Variants in AFF1 observed in about 807,000 individuals in gnomAD.
The protein encoded by AFF1 is AF4/FMR2 family member 1.
Under a neutral mutation model 121.7 loss-of-function variants are expected in AFF1, and 48 were observed. The observed-to-expected ratio is 0.39, with a 90% CI of 0.31 to 0.50. The LOEUF (loss-of-function observed/expected upper bound fraction) is 0.50. Ranked by LOEUF, AFF1 falls within the 20% of genes least tolerant of loss-of-function variation. The probability of loss-of-function intolerance (pLI) is 0.76; values close to 1 mark genes in which losing one functional copy is unlikely to be tolerated. For synonymous variants in AFF1, 613 were observed against 563.0 expected, an observed-to-expected ratio of 1.09 and a Z score of -1.26; for missense variants, 1,523 against 1,511.7, an observed-to-expected ratio of 1.01 and a Z score of -0.12.
chr4:87,084,321 T>C (rs1372707474), intron 5 of AFF1, among the ~76,000 whole-genome samples, 157 bp downstream of exon 5: 1 of 152,028 alleles, frequency 6.6e-6, no homozygotes, highest in East Asian at 1.9e-4. Context: ...GGCGGATTGC[T>C]TGAGCTCCGG....
chr4:86,949,398 A>G (rs1439228077), intron 2 of AFF1, among the ~76,000 whole-genome samples: 1 of 150,878 alleles, frequency 6.6e-6, no homozygotes, highest in Non-Finnish European at 1.5e-5. Context: ...TACAGGCGTG[A>G]GCCTCTGCGC....
intron 2 of AFF1, among the ~76,000 whole-genome samples, chr4:87,022,332 A>G (rs537480110): frequency 6.6e-6 from 1 of 151,838 alleles, no homozygotes; most frequent in Non-Finnish European, 1.5e-5. Context: ...GGTAGTTAAC[A>G]GAGATATTAA....
chr4:86,993,642 T>G (rs1724893847), intron 2 of AFF1, among the ~76,000 whole-genome samples: 1 of 152,094 alleles, frequency 6.6e-6, no homozygotes, highest in Admixed American at 6.5e-5. Context: ...GTTCAATGAG[T>G]ATATGAATCA....
chr4:87,015,682 C>A (rs1294147937), intron 2 of AFF1, among the ~76,000 whole-genome samples: 1 of 152,126 alleles, frequency 6.6e-6, no homozygotes, highest in African/African-American at 2.4e-5. Flanking sequence ...TCATTTCTTT[C>A]TTATTTTAGC....
intron 2 of AFF1, among the ~76,000 whole-genome samples, chr4:86,996,041 A>C (rs925682793): frequency 1.4e-5 from 2 of 146,884 alleles, no homozygotes; most frequent in African/African-American, 5.1e-5. Context: ...CCCAGCAGCC[A>C]CCCCGTCTGG....
intron 4 of AFF1, among the ~76,000 whole-genome samples, chr4:87,060,796 G>A (rs1277087464): frequency 1.4e-5 from 2 of 139,192 alleles, no homozygotes; most frequent in African/African-American, 5.2e-5. Context: ...CCGAGATCAC[G>A]CCACTGCACT....
At chr4:87,135,066 A>G (rs1729186521) in intron 20 of AFF1, among the ~76,000 whole-genome samples, 1 of 152,260 alleles carries the variant, frequency 6.6e-6, no homozygotes, top group East Asian at 1.9e-4. Context: ...ACAAAGTAGC[A>G]TAACCCAAAT....
intron 2 of AFF1, among the ~76,000 whole-genome samples, chr4:86,996,673 G>A (rs914944605): frequency 3.3e-5 from 5 of 152,060 alleles, no homozygotes; most frequent in Admixed American, 6.5e-5. Context: ...CTATTGTCCT[G>A]TGACCCTGCC....
chr4:86,936,590 G>A (rs1720023453), intron 1 of AFF1: 1 of 151,990 alleles, frequency 6.6e-6, no homozygotes, highest in Non-Finnish European at 1.5e-5. Flanking sequence ...TTTTTTCTTT[G>A]GGGCCGAAGA....
In AFF1 at chr4:87,130,951, A is replaced by G; in HGVS notation, c.2965-132A>G. 5 of 1,232,286 alleles carry G rather than the reference A, an allele frequency of 4.1e-6. No homozygotes were observed. In the South Asian group the frequency reaches 7.4e-5, roughly 18 times the overall value. 76.3% of individuals were successfully genotyped at this position (1,232,286 alleles called of 1,614,324 possible). On this transcript the variant is annotated intron_variant, in intron 16 of 20. Transcript: ENST00000395146. ...AGGCTTTGGTTATCATTTTTAGTTC[A>G]TTCATCCTCACACTTCTCCCTGGCC...
intron 2 of AFF1, among the ~76,000 whole-genome samples, chr4:87,016,799 A>T (rs1450587673): frequency 6.6e-6 from 1 of 152,174 alleles, no homozygotes; most frequent in Non-Finnish European, 1.5e-5. Flanking sequence ...ACATAGTGGA[A>T]TCATAAATGG....
Position 87,028,228 on chromosome 4 carries a change from T to C in AFF1, c.39-17938T>C, listed in dbSNP as rs554701660. Among the ~76,000 whole-genome samples the C allele has an allele frequency of 1.0e-3, 155 of 152,310 alleles. 1 individual carries two copies. The highest frequency in any genetic ancestry group is 3.6e-3 in the African/African-American group (150 of 41,572). On this transcript the variant is annotated intron_variant, in intron 2 of 20. Transcript: ENST00000395146. ...TCCATCCATTAATGTATTTTTATAC[T>C]TCTTATATAAGTTGTGGGAGAGTAT...
intron 11 of AFF1, among the ~76,000 whole-genome samples, chr4:87,110,121 T>C (rs1726313787): frequency 1.3e-5 from 2 of 152,232 alleles, no homozygotes; most frequent in Non-Finnish European, 2.9e-5. Context: ...TATTGCATAA[T>C]CAGTACTGTA....
chr4:87,120,953 TTGCAAGCCCATGTCTTCCTTTTA>T (rs1560649297), intron 12 of AFF1, among the ~76,000 whole-genome samples: 1 of 152,180 alleles, frequency 6.6e-6, no homozygotes, highest in Admixed American at 6.5e-5. Context: ...ACTTGGCCCC[TTGCAAGCCCATGTCTTCCTTTTA>T]TGGCCTTCAC....
Position 87,138,893 on chromosome 4 carries a change from C to T in AFF1, c.*3192C>T, listed in dbSNP as rs1171706860. ...TTTCCCTTACACAGATTGGACCGCA[C>T]TTATCTCCCTTGTCCTGTATCCTTT... On this transcript the variant is annotated 3_prime_UTR_variant, in exon 21 of 21. Coordinates refer to ENST00000395146, the MANE Select transcript of AFF1 (RefSeq NM_001166693.3). The T allele has an allele frequency of 8.8e-6, 2 of 228,490 alleles. No homozygotes were observed. The highest frequency in any genetic ancestry group is 1.7e-5 in the Non-Finnish European group (2 of 115,148). 14.2% of individuals were successfully genotyped at this position (228,490 alleles called of 1,614,324 possible).
At chr4:87,063,762 T>C (rs1164956658) in intron 4 of AFF1, among the ~76,000 whole-genome samples, 2 of 152,222 alleles carry the variant, frequency 1.3e-5, no homozygotes, top group African/African-American at 4.8e-5. Context: ...GCCTGACATT[T>C]AGTATATTGT....
intron 2 of AFF1, among the ~76,000 whole-genome samples, chr4:87,033,223 C>T (rs1220341692): frequency 6.6e-6 from 1 of 152,222 alleles, no homozygotes; most frequent in Non-Finnish European, 1.5e-5. Context: ...TGTTGTTCCC[C>T]ACTGTTCTTA....
At chr4:87,035,865 A>G (rs1035615706) in intron 2 of AFF1, among the ~76,000 whole-genome samples, 5 of 152,238 alleles carry the variant, frequency 3.3e-5, no homozygotes, top group African/African-American at 1.2e-4. Context: ...TTGCTTGTCT[A>G]CATTCTTAGT....
chr4:87,124,919 C>T lies in AFF1; in HGVS notation c.2467-118C>T, dbSNP rs115241962. ...GGTAAGTACTAAGAAGGTTGCTGTGCGTACAGAGATGTCTCCAAAGGTTCC... is the reference window on the plus strand; with the variant it reads ...GGTAAGTACTAAGAAGGTTGCTGTGTGTACAGAGATGTCTCCAAAGGTTCC... On this transcript the variant is annotated intron_variant, in intron 12 of 20. Coordinates refer to ENST00000395146, the MANE Select transcript of AFF1 (RefSeq NM_001166693.3). The T allele has an allele frequency of 2.2e-3, 1,541 of 701,946 alleles. 23 individuals carry two copies. In the African/African-American group the frequency reaches 0.024, roughly 11 times the overall value. 43.5% of individuals were successfully genotyped at this position (701,946 alleles called of 1,614,324 possible).
Sources: allele counts gnomAD v4.1 joint callset (sites outside exome capture counted in the v4.1 genomes callset), GRCh38; gene constraint gnomAD v4.1.1; transcripts MANE v1.5; gene names NCBI Gene and HGNC (gene_info 2026-07-23, HGNC 2026-07-21).